LRRC7: variants seen among roughly 807,000 people sequenced by gnomAD.
LRRC7 encodes the protein leucine-rich repeat-containing protein 7.
LRRC7 carries 23 observed loss-of-function variants against 175.7 expected under a neutral mutation model. That is an observed-to-expected ratio of 0.13 (90% CI 0.09 to 0.19). The LOEUF (loss-of-function observed/expected upper bound fraction) is 0.19, where lower values mean the gene tolerates loss of function less well. Among genes scored for constraint, LRRC7 ranks in the 10% least tolerant of loss-of-function variants. The pLI is 1.00. For synonymous variants in LRRC7, 685 were observed against 680.9 expected, an observed-to-expected ratio of 1.01 and a Z score of -0.09; for missense variants, 1,354 against 1,904.7, an observed-to-expected ratio of 0.71 and a Z score of 5.38.
At chr1:70,087,800 C>T (rs1023770934) in intron 24 of LRRC7, among the ~76,000 whole-genome samples, 1 of 152,102 alleles carries the variant, frequency 6.6e-6, no homozygotes, top group African/African-American at 2.4e-5. Flanking sequence ...CATAGTTTTT[C>T]ATCTTTGTGT....
intron 8 of LRRC7, among the ~76,000 whole-genome samples, chr1:69,968,125 G>C (rs987766823): frequency 3.3e-5 from 5 of 152,002 alleles, no homozygotes; most frequent in Non-Finnish European, 7.4e-5. Context: ...AAAACTTTAA[G>C]AAACAATGGA....
chr1:69,994,620 A>G lies in LRRC7; in HGVS notation c.991A>G (p.Asn331Asp), dbSNP rs1360248599. The G allele has an allele frequency of 8.1e-6, 13 of 1,609,898 alleles. No homozygotes were observed. The Admixed American group carries it at 1.0e-4, about 12-fold the overall frequency. Residue 331 changes from asparagine to aspartate, a missense_variant, in exon 11 of 27, where the codon AAT becomes GAT. By Grantham distance (23) the Asn-to-Asp change is conservative. This residue lies in a region of LRRC7 where 201 missense variants were observed against 481.4 expected (regional missense o/e 0.42). Transcript: ENST00000651989. Reference protein sequence around the residue: ...VDDNQLTMLPNTIGNLSLLEE... With the variant: ...VDDNQLTMLPDTIGNLSLLEE... ...TGACAATCAACTTACAATGCTACCC[A>G]ATACAATTGGAAAGTAAGTGCCAAC...
chr1:69,586,018 A>T (rs924418630), intron 1 of LRRC7, among the ~76,000 whole-genome samples: 1 of 152,192 alleles, frequency 6.6e-6, no homozygotes, highest in African/African-American at 2.4e-5. Flanking sequence ...TAAATCTGTA[A>T]AGAATTGAGA....
At chr1:69,647,025 T>A (rs1570147777) in intron 1 of LRRC7, among the ~76,000 whole-genome samples, 2 of 151,774 alleles carry the variant, frequency 1.3e-5, no homozygotes, top group African/African-American at 4.8e-5. Context: ...GAAAAAAAAA[T>A]GTCATAGTAG....
At chr1:69,714,644 G>A (rs746098724) in intron 2 of LRRC7, among the ~76,000 whole-genome samples, 6 of 152,128 alleles carry the variant, frequency 3.9e-5, no homozygotes, top group African/African-American at 1.4e-4. Context: ...AAGATGTAGT[G>A]GGGGCCAGGA....
chr1:69,832,410 A>G (rs2101306125), intron 5 of LRRC7, among the ~76,000 whole-genome samples: 1 of 152,280 alleles, frequency 6.6e-6, no homozygotes, highest in East Asian at 1.9e-4. Context: ...GATTTGTTCC[A>G]GTGTACAACA....
chr1:69,876,144 G>GGCATAT (rs1457786838), intron 7 of LRRC7, among the ~76,000 whole-genome samples: 2 of 152,020 alleles, frequency 1.3e-5, no homozygotes, highest in Admixed American at 1.3e-4. Flanking sequence ...AGAAGTTACG[G>GGCATAT]GTTTCTGGAA....
intron 21 of LRRC7, 70 bp downstream of exon 21, chr1:70,039,863 A>C: frequency 1.3e-6 from 2 of 1,502,286 alleles, no homozygotes; most frequent in Non-Finnish European, 1.8e-6. Flanking sequence ...ATTTCTAAGC[A>C]CATGTAGTGA....
At chr1:69,939,017 ATATATATATATATC>A (rs1557910876) in intron 8 of LRRC7, among the ~76,000 whole-genome samples, 4 of 108,318 alleles carry the variant, frequency 3.7e-5, no homozygotes, top group African/African-American at 1.0e-4. Flanking sequence ...ATATATATCT[ATATATATATATATC>A]TATATATATC....
intron 23 of LRRC7, among the ~76,000 whole-genome samples, chr1:70,060,786 G>T (rs1298517492): frequency 7.9e-5 from 12 of 152,166 alleles, no homozygotes; most frequent in Admixed American, 7.9e-4. Flanking sequence ...GAGTAAAATT[G>T]AAATTGAAAA....
At position 70,104,286 on chromosome 1, in the gene LRRC7, T is replaced by C. The variant is rs1664999504; in HGVS notation, c.4546-3466T>C. The stretch of plus-strand genomic sequence containing the variant: ...GAGCTTTTTCAAAGCAGGGTCAACA[T>C]TTTCACATTTTCACATTTCTCATCA... On this transcript the variant is annotated intron_variant, in intron 25 of 26. Coordinates refer to ENST00000651989, the MANE Select transcript of LRRC7 (RefSeq NM_001370785.2). Among the ~76,000 whole-genome samples, 4 of 152,226 alleles carry C rather than the reference T, an allele frequency of 2.6e-5. 1 individual carries two copies. In the South Asian group the frequency reaches 8.3e-4, roughly 31 times the overall value.
At chr1:69,702,131 T>C (rs942123169) in intron 2 of LRRC7, among the ~76,000 whole-genome samples, 3 of 152,234 alleles carry the variant, frequency 2.0e-5, no homozygotes, top group Non-Finnish European at 4.4e-5. Flanking sequence ...AGCAAAAATA[T>C]ATGTGACATT....
chr1:69,892,543 C>T (rs745571064), intron 7 of LRRC7, among the ~76,000 whole-genome samples: 1 of 152,132 alleles, frequency 6.6e-6, no homozygotes, highest in East Asian at 1.9e-4. Flanking sequence ...TACATGAAAT[C>T]GTATGAATTA....
intron 8 of LRRC7, among the ~76,000 whole-genome samples, chr1:69,937,892 C>T (rs184867031): frequency 4.0e-4 from 60 of 151,804 alleles, no homozygotes; most frequent in Admixed American, 1.6e-3. Flanking sequence ...TAAAATTATA[C>T]GGTATTAATT....
intron 23 of LRRC7, among the ~76,000 whole-genome samples, chr1:70,054,578 CTTTTTTTTTTTTT>C (rs35639787): frequency 0.012 from 627 of 53,858 alleles, 9 homozygotes; most frequent in Non-Finnish European, 0.017. Context: ...TTACACTCTA[CTTTTTTTTTTTTT>C]TTTTTTTTTT....
chr1:69,767,524 A>G (rs1239352250), intron 3 of LRRC7, among the ~76,000 whole-genome samples: 5 of 152,132 alleles, frequency 3.3e-5, no homozygotes, highest in Non-Finnish European at 7.4e-5. Context: ...TGGCACAGTC[A>G]TAGCTTACTG....
Position 70,038,506 on chromosome 1 carries a change from C to T in LRRC7, c.2682C>T (p.Thr894=), listed in dbSNP as rs191066190. 7.2e-5 allele frequency: 117 copies of T among 1,614,036 alleles called. No homozygotes were observed. The highest frequency in any genetic ancestry group is 4.7e-4 in the Admixed American group (28 of 60,010). ...CCCCTAGTCCGTTTGAAGACAGGAC[C>T]GCTTTTCCTTCCAAATTAGAGACAA... ...TRTPSPFEDR[T]AFPSKLETTP... Residue 894 remains threonine (T), a synonymous_variant, in exon 21 of 27, where the codon ACC becomes ACT. Coordinates refer to ENST00000651989, the MANE Select transcript of LRRC7 (RefSeq NM_001370785.2).
In LRRC7 at chr1:70,129,019, G is replaced by T. The variant is rs1189977156; in HGVS notation, c.*7132G>T. On this transcript the variant is annotated 3_prime_UTR_variant, in exon 27 of 27. Transcript: ENST00000651989. Reference sequence around the variant, plus strand: ...CCAGCACTTAGGGAGGCCGAGGCAGGTGGATCACTTGAGGTCAGGAATTGG... The same window carrying T: ...CCAGCACTTAGGGAGGCCGAGGCAGTTGGATCACTTGAGGTCAGGAATTGG... Among the ~76,000 whole-genome samples, 1 of 152,118 alleles carries T rather than the reference G, an allele frequency of 6.6e-6. No homozygotes were observed. The highest frequency in any genetic ancestry group is 1.5e-5 in the Non-Finnish European group (1 of 68,038).
chr1:70,006,644 C>T (rs553365802), intron 11 of LRRC7, among the ~76,000 whole-genome samples: 8 of 152,148 alleles, frequency 5.3e-5, no homozygotes, highest in African/African-American at 1.7e-4. Flanking sequence ...AACTCAATTT[C>T]GACACACCTA....
Sources: allele counts gnomAD v4.1 joint callset (sites outside exome capture counted in the v4.1 genomes callset), GRCh38; gene constraint gnomAD v4.1.1; regional missense constraint gnomAD v4.1.1; transcripts MANE v1.5; gene names NCBI Gene and HGNC (gene_info 2026-07-23, HGNC 2026-07-21).